Variants in TLR4 observed in about 807,000 individuals in gnomAD.
The protein encoded by TLR4 is toll-like receptor 4.
Under a neutral mutation model 27.4 loss-of-function variants are expected in TLR4, and 17 were observed. That is an observed-to-expected ratio of 0.62 (90% CI 0.42 to 0.93). The LOEUF (loss-of-function observed/expected upper bound fraction) is 0.93. TLR4 is among the 40% of genes least tolerant of loss of function. TLR4 has a pLI of 0.00. For missense variants in TLR4, 926 were observed against 962.3 expected (o/e 0.96, Z 0.50); for synonymous variants, 363 against 365.7 (o/e 0.99, Z 0.08).
chr9:117,706,527 G>A lies in TLR4; in HGVS notation c.93+1962G>A, dbSNP rs1463481658. ...ATAAATGATTGAAATAATTGCTGCA[G>A]GACAAAGTCTGAGGCCCTCCTGATC... On this transcript the variant is annotated intron_variant, in intron 1 of 2. Transcript: ENST00000355622. 3.3e-5 allele frequency among the ~76,000 whole-genome samples: 5 copies of A among 152,126 alleles called. No homozygotes were observed. In the East Asian group the frequency reaches 9.6e-4, roughly 29 times the overall value.
In TLR4 at chr9:117,714,723, A is replaced by T. The variant is rs929761631; in HGVS notation, c.*75A>T. On this transcript the variant is annotated 3_prime_UTR_variant, in exon 3 of 3. Transcript: ENST00000355622. ...ACACTTGTTCAGTTAATAAGTATTA[A>T]ATGCTGCCACATGTCAGGCCTTATG... 1.9e-5 allele frequency: 25 copies of T among 1,291,466 alleles called. No individual in the cohort carries two copies. The African/African-American group carries it at 3.6e-4, about 19-fold the overall frequency. 80.0% of individuals were successfully genotyped at this position (1,291,466 alleles called of 1,614,324 possible). A position where few individuals can be genotyped will look rare whatever the true frequency, so the allele number is the denominator to read the frequency against.
At position 117,707,829 on chromosome 9, in the gene TLR4, C is replaced by T. The variant is rs537651688; in HGVS notation, c.94-734C>T. The stretch of plus-strand genomic sequence containing the variant: ...CCATGACTAAGGAAGGTCTGGACAT[C>T]TTGACTGCCAGACAGTCTCCCCAAT... On this transcript the variant is annotated intron_variant, in intron 1 of 2. Transcript: ENST00000355622. 4.6e-5 allele frequency among the ~76,000 whole-genome samples: 7 copies of T among 152,302 alleles called. No homozygotes were observed. The South Asian group carries it at 1.0e-3, about 23-fold the overall frequency.
rs1289424778 is a variant in TLR4 at position 117,722,112 on chromosome 9, T to C, written c.*7464T>C. 6.6e-6 allele frequency: 1 copy of C among 152,220 alleles called. No individual in the cohort carries two copies. The highest frequency in any genetic ancestry group is 2.4e-5 in the African/African-American group (1 of 41,466). The allele number at this position is 152,220 out of a possible 1,614,324, so 9.4% of individuals were successfully genotyped here. On this transcript the variant is annotated 3_prime_UTR_variant, in exon 3 of 3. Transcript: ENST00000355622. The stretch of plus-strand genomic sequence containing the variant: ...ATGTTGTGGTCTTTTCTAAACTCTC[T>C]GAGGCATCTGTTGTCAATGTGATGT...
At chr9:117,710,809 A>G (rs1829219014) in intron 2 of TLR4, among the ~76,000 whole-genome samples, 1 of 152,136 alleles carries the variant, frequency 6.6e-6, no homozygotes, top group Non-Finnish European at 1.5e-5. Context: ...TGACTTATAT[A>G]CATTATCATT....
intron 2 of TLR4, among the ~76,000 whole-genome samples, chr9:117,711,974 A>G (rs567400537): frequency 1.2e-4 from 19 of 152,306 alleles, no homozygotes; most frequent in African/African-American, 4.6e-4. Flanking sequence ...GCTACCAACT[A>G]ACAACTATCC....
chr9:117,709,475 G>T (rs1829194526), intron 2 of TLR4, among the ~76,000 whole-genome samples: 1 of 152,112 alleles, frequency 6.6e-6, no homozygotes, highest in Non-Finnish European at 1.5e-5. Context: ...TAATGGCTAA[G>T]ATTTTCTTTT....
intron 2 of TLR4, among the ~76,000 whole-genome samples, chr9:117,711,138 C>T (rs953186343): frequency 6.6e-6 from 1 of 152,136 alleles, no homozygotes. Context: ...TGCAGAAACA[C>T]CAAACCCAAG....
intron 2 of TLR4, chr9:117,709,012 T>C: frequency 2.6e-6 from 1 of 385,598 alleles, no homozygotes; most frequent in Admixed American, 4.1e-5. Flanking sequence ...TTAAATTCTT[T>C]CATAAGCAGC....
rs546862477 is a variant in TLR4 at position 117,717,486 on chromosome 9, C to G, written c.*2838C>G. ...ATGTGATCTCTTTCTTTCTCTCTCTCAAAATATCTTACTGTACTGTACTCA... is the reference window on the plus strand; with the variant it reads ...ATGTGATCTCTTTCTTTCTCTCTCTGAAAATATCTTACTGTACTGTACTCA... On this transcript the variant is annotated 3_prime_UTR_variant, in exon 3 of 3. Transcript: ENST00000355622. 6.6e-6 allele frequency: 1 copy of G among 151,096 alleles called. No individual in the cohort carries two copies. The highest frequency in any genetic ancestry group is 2.4e-5 in the African/African-American group (1 of 41,306). The allele number at this position is 151,096 out of a possible 1,614,324, so 9.4% of individuals were successfully genotyped here.
Position 117,718,746 on chromosome 9 carries a change from T to C in TLR4, c.*4098T>C, listed in dbSNP as rs1274608680. On this transcript the variant is annotated 3_prime_UTR_variant, in exon 3 of 3. Transcript: ENST00000355622. ...TATGTTCAATACGGGGACACTGTCCTTATGGGTGAGTACTCCCCTAAGACT... is the reference window on the plus strand; with the variant it reads ...TATGTTCAATACGGGGACACTGTCCCTATGGGTGAGTACTCCCCTAAGACT... The C allele has an allele frequency of 6.6e-6, 1 of 152,172 alleles. No homozygotes were observed. The highest frequency in any genetic ancestry group is 1.5e-5 in the Non-Finnish European group (1 of 68,022). The allele number at this position is 152,172 out of a possible 1,614,324, so 9.4% of individuals were successfully genotyped here.
In TLR4 at chr9:117,718,192, A is replaced by T. The variant is rs1390814171; in HGVS notation, c.*3544A>T. ...TAGCCCACAGAGTAGGAAAGTGACA[A>T]AACCTGAGCCTGGGCCTCCAGGTCA... On this transcript the variant is annotated 3_prime_UTR_variant, in exon 3 of 3. Coordinates refer to ENST00000355622, the MANE Select transcript of TLR4 (RefSeq NM_138554.5). The T allele has an allele frequency of 6.6e-6, 1 of 152,130 alleles. No homozygotes were observed. Among genetic ancestry groups the T allele is most frequent in the Non-Finnish European group, 1.5e-5 (1 of 68,008 alleles). The allele number at this position is 152,130 out of a possible 1,614,324, so 9.4% of individuals were successfully genotyped here. A position where few individuals can be genotyped will look rare whatever the true frequency, so the allele number is the denominator to read the frequency against.
rs1454182060 is a variant in TLR4, at chr9:117,713,986, G to A, written c.1858G>A (p.Val620Met). The A allele has an allele frequency of 1.2e-6, 2 of 1,614,004 alleles. No individual in the cohort carries two copies. Among genetic ancestry groups the A allele is most frequent in the South Asian group, 2.2e-5 (2 of 91,086 alleles). Residue 620 changes from valine (V) to methionine (M), a missense_variant, in exon 3 of 3, where the codon GTG (valine) becomes ATG (methionine). Val to Met is a conservative substitution (Grantham distance 21, BLOSUM62 1). Coordinates refer to ENST00000355622, the MANE Select transcript of TLR4 (RefSeq NM_138554.5). Reference sequence around the variant, plus strand: ...ACCTTCAGATAAGCAGGGCATGCCTGTGCTGAGTTTGAATATCACCTGTCA... The same window carrying A: ...ACCTTCAGATAAGCAGGGCATGCCTATGCTGAGTTTGAATATCACCTGTCA... Reference protein sequence around the residue: ...ATPSDKQGMPVLSLNITCQMN... With the variant: ...ATPSDKQGMPMLSLNITCQMN...
rs990962500 is a variant in TLR4, at chr9:117,717,772, A to G, written c.*3124A>G. 2 of 152,204 alleles carry G rather than the reference A, an allele frequency of 1.3e-5. No individual in the cohort carries two copies. The highest frequency in any genetic ancestry group is 4.8e-5 in the African/African-American group (2 of 41,456). The allele number at this position is 152,204 out of a possible 1,614,324, so 9.4% of individuals were successfully genotyped here. A position where few individuals can be genotyped will look rare whatever the true frequency, so the allele number is the denominator to read the frequency against. On this transcript the variant is annotated 3_prime_UTR_variant, in exon 3 of 3. Transcript: ENST00000355622. The stretch of plus-strand genomic sequence containing the variant: ...AAGGAAGATCAACATACAACTTGGA[A>G]TATTTCAAGGCCGAAATATTCAAGG...
chr9:117,712,416 G>A lies in TLR4; in HGVS notation c.288G>A (p.Gly96=), dbSNP rs1362974558. The change falls in exon 3 of 3, where the codon GGG becomes GGA. Residue 96 remains glycine, a synonymous_variant. Transcript: ENST00000355622. ...SRCEIQTIED[G]AYQSLSHLST... Reference sequence around the variant, plus strand: ...GTGAAATCCAGACAATTGAAGATGGGGCATATCAGAGCCTAAGCCACCTCT... The same window carrying A: ...GTGAAATCCAGACAATTGAAGATGGAGCATATCAGAGCCTAAGCCACCTCT... 5 of 1,613,732 alleles carry A rather than the reference G, an allele frequency of 3.1e-6. No homozygotes were observed. The East Asian group carries it at 1.1e-4, about 36-fold the overall frequency.
chr9:117,719,507 GTATTAT>G lies in TLR4; in HGVS notation c.*4868_*4873del, dbSNP rs1829398784. ...TTTGACTGATATTAAACAAAGAGAA[GTATTAT>G]TATTATTACTTGTTTTTATTTATAT... is the stretch of plus-strand genomic sequence containing the variant. On this transcript the variant is annotated 3_prime_UTR_variant, in exon 3 of 3. Coordinates refer to ENST00000355622, the MANE Select transcript of TLR4 (RefSeq NM_138554.5). 1 of 152,168 alleles carries G rather than the reference GTATTAT, an allele frequency of 6.6e-6. No homozygotes were observed. The highest frequency in any genetic ancestry group is 2.1e-4 in the South Asian group (1 of 4,820). 9.4% of individuals were successfully genotyped at this position (152,168 alleles called of 1,614,324 possible).
chr9:117,723,692 T>C lies in TLR4; in HGVS notation c.*9044T>C, dbSNP rs1829447202. The C allele has an allele frequency of 6.6e-6, 1 of 152,222 alleles. No individual in the cohort carries two copies. Among genetic ancestry groups the C allele is most frequent in the African/African-American group, 2.4e-5 (1 of 41,462 alleles). 9.4% of individuals were successfully genotyped at this position (152,222 alleles called of 1,614,324 possible). ...TTTGCCTACATATTCCAAAAGCTTTTAAATTAAGCTATATGTCATTCTTAC... is the reference window on the plus strand; with the variant it reads ...TTTGCCTACATATTCCAAAAGCTTTCAAATTAAGCTATATGTCATTCTTAC... On this transcript the variant is annotated 3_prime_UTR_variant, in exon 3 of 3. Coordinates refer to ENST00000355622, the MANE Select transcript of TLR4 (RefSeq NM_138554.5).
At chr9:117,711,539 C>T (rs1272339531) in intron 2 of TLR4, among the ~76,000 whole-genome samples, 2 of 152,164 alleles carry the variant, frequency 1.3e-5, no homozygotes, top group African/African-American at 4.8e-5. Flanking sequence ...CTCCACAACT[C>T]CATATTGTAC....
rs1363201676 is a variant in TLR4, at chr9:117,719,790, G to C, written c.*5142G>C. On this transcript the variant is annotated 3_prime_UTR_variant, in exon 3 of 3. Coordinates refer to ENST00000355622, the MANE Select transcript of TLR4 (RefSeq NM_138554.5). The stretch of plus-strand genomic sequence containing the variant: ...TGGAATAAGATCACACACTCTGGCT[G>C]CCCTTATGGAGATCACCGAACTTTT... 2.0e-5 allele frequency: 3 copies of C among 152,190 alleles called. No individual in the cohort carries two copies. Among genetic ancestry groups the C allele is most frequent in the Admixed American group, 6.5e-5 (1 of 15,278 alleles). The allele number at this position is 152,190 out of a possible 1,614,324, so 9.4% of individuals were successfully genotyped here. A position where few individuals can be genotyped will look rare whatever the true frequency, so the allele number is the denominator to read the frequency against.
chr9:117,710,444 C>T (rs1326383503), intron 2 of TLR4, among the ~76,000 whole-genome samples: 2 of 150,966 alleles, frequency 1.3e-5, no homozygotes, highest in African/African-American at 4.9e-5. Context: ...AGGTAGACCA[C>T]CTCTCCCTTT....
Sources: allele counts gnomAD v4.1 joint callset (sites outside exome capture counted in the v4.1 genomes callset), GRCh38; gene constraint gnomAD v4.1.1; transcripts MANE v1.5; gene names NCBI Gene and HGNC (gene_info 2026-07-23, HGNC 2026-07-21).